Variants in CROCC observed in about 807,000 individuals in gnomAD.
CROCC encodes ciliary rootlet coiled-coil, rootletin, also known as rootletin.
CROCC carries 180 observed loss-of-function variants against 245.2 expected under a neutral mutation model. The ratio of observed to expected loss-of-function variants is 0.73; its 90% CI spans 0.65 to 0.83. The LOEUF (loss-of-function observed/expected upper bound fraction) is 0.83, where lower values mean the gene tolerates loss of function less well. Ranked by LOEUF, CROCC falls within the 40% of genes least tolerant of loss-of-function variation. The pLI, the probability that CROCC is intolerant of heterozygous loss-of-function variation, is 0.00. For missense variants in CROCC, 2,688 were observed against 2,779.4 expected (o/e 0.97, Z 0.74); for synonymous variants, 1,205 against 1,241.6 (o/e 0.97, Z 0.62).
At chr1:16,961,230 T>C in intron 27 of CROCC, 100 bp downstream of exon 27, 4 of 1,177,780 alleles carry the variant, frequency 3.4e-6, no homozygotes, top group Non-Finnish European at 4.2e-6. Flanking sequence ...TTTTTGTTTT[T>C]TTTCAAGGAG....
chr1:16,969,611 G>A (rs1442473147), intron 32 of CROCC, among the ~76,000 whole-genome samples, 174 bp from the exon 33 acceptor site: 1 of 152,196 alleles, frequency 6.6e-6, no homozygotes, highest in Non-Finnish European at 1.5e-5. Context: ...GTCTGAGTGG[G>A]TCCCACCTTA....
In CROCC at chr1:16,966,352, G is replaced by A. The variant is rs965899464; in HGVS notation, c.4697-56G>A. 2.7e-6 allele frequency: 4 copies of A among 1,474,690 alleles called. No individual in the cohort carries two copies. Among genetic ancestry groups the A allele is most frequent in the Non-Finnish European group, 3.6e-6 (4 of 1,111,710 alleles). 91.4% of individuals were successfully genotyped at this position (1,474,690 alleles called of 1,614,324 possible). ...TGCAGGCTGGACATTTTGTGACCTG[G>A]TTTGGGTCTCGGGGCTGTGCTTGGC... On this transcript the variant is annotated intron_variant, in intron 29 of 36. Transcript: ENST00000375541. This position sits in a 1 kb window ranked among gnomAD's most constrained non-coding sequence, Gnocchi z 4.8.
At chr1:16,971,210 AGTGTGTGTGTGTGTGTGTGT>A (rs34364208) in intron 35 of CROCC, among the ~76,000 whole-genome samples, 16 of 144,124 alleles carry the variant, frequency 1.1e-4, no homozygotes, top group South Asian at 2.3e-4. Flanking sequence ...ATGATGTCTG[AGTGTGTGTGTGTGTGTGTGT>A]GTGTGTGTGT....
At chr1:16,928,276 C>T (rs964236654) in intron 3 of CROCC, among the ~76,000 whole-genome samples, 1 of 152,276 alleles carries the variant, frequency 6.6e-6, no homozygotes, top group African/African-American at 2.4e-5. Flanking sequence ...TGTGCTCTCC[C>T]ACTGCCCTGC....
rs1414091563 is a variant in CROCC at position 16,966,465 on chromosome 1, A to T, written c.4754A>T (p.Glu1585Val). The change falls in exon 30 of 37, where the codon GAG becomes GTG. Residue 1585 changes from glutamate (E) to valine (V), a missense_variant. Glu to Val is a moderately radical substitution (Grantham distance 121, BLOSUM62 -2). Around this residue, in one of 9 missense-constraint regions of CROCC, gnomAD observed 1,218 missense variants for 1,286.3 expected, o/e 0.95. Coordinates refer to ENST00000375541, the MANE Select transcript of CROCC (RefSeq NM_014675.5). The surrounding 1 kb of genome is among the most constrained non-coding windows in gnomAD (Gnocchi z 4.8). Reference sequence around the variant, plus strand: ...GTCCAGGCGGAGCTGGCGCTGCAGGAGGAGAGTGTGCGGCGCAGTGAGCGG... The same window carrying T: ...GTCCAGGCGGAGCTGGCGCTGCAGGTGGAGAGTGTGCGGCGCAGTGAGCGG... ...SGVQAELALQEESVRRSERER... is the reference protein window; with the variant it reads ...SGVQAELALQVESVRRSERER... The T allele has an allele frequency of 1.3e-6, 2 of 1,536,222 alleles. No individual in the cohort carries two copies. The highest frequency in any genetic ancestry group is 2.4e-5 in the South Asian group (2 of 83,772).
At chr1:16,939,216 G>GT in intron 12 of CROCC, 74 bp downstream of exon 12, 6 of 1,261,112 alleles carry the variant, frequency 4.8e-6, no homozygotes, top group Non-Finnish European at 6.2e-6. Flanking sequence ...GGGTGGGGGC[G>GT]GGGGCGGGGG....
At chr1:16,955,623 C>G in intron 24 of CROCC, 73 bp downstream of exon 24, 2 of 1,284,176 alleles carry the variant, frequency 1.6e-6, no homozygotes, top group Non-Finnish European at 2.1e-6. Context: ...TCACCCCCAA[C>G]GTTCTGGGGA....
At chr1:16,949,448 G>A (rs2076121335) in intron 19 of CROCC, among the ~76,000 whole-genome samples, 1 of 152,222 alleles carries the variant, frequency 6.6e-6, no homozygotes, top group Non-Finnish European at 1.5e-5. Flanking sequence ...ACCAGGAAGG[G>A]AAATGCTGGT....
chr1:16,969,097 C>G lies in CROCC; in HGVS notation c.5077-19C>G, dbSNP rs2076467617. The G allele has an allele frequency of 2.5e-6, 4 of 1,581,508 alleles. No homozygotes were observed. Among genetic ancestry groups the G allele is most frequent in the African/African-American group, 1.3e-5 (1 of 74,654 alleles). On this transcript the variant is annotated intron_variant, in intron 31 of 36. Transcript: ENST00000375541. ...CCAGATGGGAACAGCCCCGATTGTT[C>G]TGGCTGTCCTCCTGCCAGGTGGCCG...
chr1:16,916,794 T>G (rs1373281320), intron 1 of CROCC, among the ~76,000 whole-genome samples: 1 of 152,282 alleles, frequency 6.6e-6, no homozygotes, highest in African/African-American at 2.4e-5. Flanking sequence ...ATCACAGGTG[T>G]GAGTCAGTGC....
chr1:16,921,980 G>A lies in CROCC; in HGVS notation c.-39G>A. 1.3e-6 allele frequency: 2 copies of A among 1,534,582 alleles called. No individual in the cohort carries two copies. Among genetic ancestry groups the A allele is most frequent in the Non-Finnish European group, 1.8e-6 (2 of 1,131,888 alleles). ...CTGACTGAGCTAGTCTTGGGGTCCT[G>A]GAGAAGGGGGCTGGAGGCATGCCCA... On this transcript the variant is annotated 5_prime_UTR_variant, in exon 1 of 37. Transcript: ENST00000375541.
intron 8 of CROCC, among the ~76,000 whole-genome samples, chr1:16,934,753 T>A (rs1161881728): frequency 6.6e-6 from 1 of 152,234 alleles, no homozygotes; most frequent in East Asian, 1.9e-4. Flanking sequence ...ATATTCCTCT[T>A]CCCTCCTTGG....
At chr1:16,914,295 G>C (rs1340078191) in intron 1 of CROCC, among the ~76,000 whole-genome samples, 63 of 152,226 alleles carry the variant, frequency 4.1e-4, no homozygotes, top group African/African-American at 1.5e-3. Flanking sequence ...CCAGGAGAGC[G>C]TTCCCAACAG....
chr1:16,947,744 C>T (rs1194203292), intron 17 of CROCC, among the ~76,000 whole-genome samples: 1 of 152,268 alleles, frequency 6.6e-6, no homozygotes, highest in Admixed American at 6.5e-5. Context: ...TTTATATATT[C>T]AGCTTCTCTG....
At chr1:16,957,592 G>A (rs955045525) in intron 25 of CROCC, among the ~76,000 whole-genome samples, 5 of 151,744 alleles carry the variant, frequency 3.3e-5, no homozygotes, top group East Asian at 2.0e-4. Context: ...ACAGATGCCC[G>A]CCACCACACC....
chr1:16,938,991 G>A lies in CROCC; in HGVS notation c.1457G>A (p.Gly486Glu), dbSNP rs767457542. 5.0e-6 allele frequency: 8 copies of A among 1,604,708 alleles called. No homozygotes were observed. Among genetic ancestry groups the A allele is most frequent in the Non-Finnish European group, 6.8e-6 (8 of 1,177,138 alleles). The stretch of plus-strand genomic sequence containing the variant: ...GATGCTTCCAACGGCAGCCTGCGGG[G>A]GCTCTCGGGCCAGCGGACCCCGTCC... ...TADASNGSLR[G>E]LSGQRTPSPP... Residue 486 changes from glycine to glutamate, a missense_variant, in exon 12 of 37, where the codon GGG (glycine) becomes GAG (glutamate). Physicochemically the swap from Gly to Glu is moderately conservative, Grantham distance 98. This residue lies in a region of CROCC where 972 missense variants were observed against 895.3 expected (regional missense o/e 1.09). Transcript: ENST00000375541.
At position 16,954,933 on chromosome 1, in the gene CROCC, G is replaced by T; in HGVS notation, c.3465+56G>T. ...ATACCCTAAATGGCACTGTGTGCCTGGGGGCCTAGTTCCCCAGGGCCCCAG... is the reference window on the plus strand; with the variant it reads ...ATACCCTAAATGGCACTGTGTGCCTTGGGGCCTAGTTCCCCAGGGCCCCAG... On this transcript the variant is annotated intron_variant, in intron 23 of 36. Transcript: ENST00000375541. This position sits in a 1 kb window ranked among gnomAD's most constrained non-coding sequence, Gnocchi z 4.4. The T allele has an allele frequency of 2.1e-6, 3 of 1,457,506 alleles. No individual in the cohort carries two copies. Among genetic ancestry groups the T allele is most frequent in the South Asian group, 1.4e-5 (1 of 71,192 alleles). The allele number at this position is 1,457,506 out of a possible 1,614,324, so 90.3% of individuals were successfully genotyped here.
rs540857316 is a variant in CROCC at position 16,952,275 on chromosome 1, A to G, written c.3007-1027A>G. On this transcript the variant is annotated intron_variant, in intron 20 of 36. Transcript: ENST00000375541. ...CGAGGTGGGCAGATCACCAGGTCGG[A>G]AGATCGAGACCATCCTGGCTAACAC... Among the ~76,000 whole-genome samples, 56 of 151,472 alleles carry G rather than the reference A, an allele frequency of 3.7e-4. 1 individual carries two copies. The South Asian group carries it at 0.011, about 29-fold the overall frequency.
In CROCC at chr1:16,929,885, A is replaced by T. The variant is rs1198424472; in HGVS notation, c.391A>T (p.Thr131Ser). 6.3e-7 allele frequency: 1 copy of T among 1,583,758 alleles called. No homozygotes were observed. Among genetic ancestry groups the T allele is most frequent in the African/African-American group, 1.3e-5 (1 of 74,676 alleles). The change falls in exon 4 of 37, where the codon ACG becomes TCG. Residue 131 changes from threonine to serine, a missense_variant. Around this residue, in one of 9 missense-constraint regions of CROCC, gnomAD observed 972 missense variants for 895.3 expected, o/e 1.09. Transcript: ENST00000375541. ...ALRLEPGELE[T>S]QEPRGLVRQS... ...GCGGCTGGAGCCTGGGGAGCTGGAG[A>T]CGCAGGAGCCCAGGGGGCTGGTACG... is the stretch of plus-strand genomic sequence containing the variant.
Sources: allele counts gnomAD v4.1 joint callset (sites outside exome capture counted in the v4.1 genomes callset), GRCh38; gene constraint gnomAD v4.1.1; regional missense constraint gnomAD v4.1.1; non-coding constraint Gnocchi (gnomAD v3.1); transcripts MANE v1.5; gene names NCBI Gene and HGNC (gene_info 2026-07-23, HGNC 2026-07-21).